PSMD1: variants seen among roughly 807,000 people sequenced by gnomAD.
The protein encoded by PSMD1 is proteasome 26S subunit, non-ATPase 1, also known as 26S proteasome non-ATPase regulatory subunit 1.
Under a neutral mutation model 119.0 loss-of-function variants are expected in PSMD1, and 18 were observed. That is an observed-to-expected ratio of 0.15 (90% CI 0.10 to 0.22). The LOEUF is 0.22. Among genes scored for constraint, PSMD1 ranks in the 10% least tolerant of loss-of-function variants. The probability of loss-of-function intolerance (pLI) is 1.00; values close to 1 mark genes in which losing one functional copy is unlikely to be tolerated. For missense variants in PSMD1, 702 were observed against 1,158.5 expected, an observed-to-expected ratio of 0.61 and a Z score of 5.72; for synonymous variants, 374 against 396.6, an observed-to-expected ratio of 0.94 and a Z score of 0.68.
chr2:231,118,589 G>C (rs986007039), intron 16 of PSMD1, among the ~76,000 whole-genome samples: 14 of 151,820 alleles, frequency 9.2e-5, no homozygotes, highest in Admixed American at 9.2e-4. Context: ...GTATTTTTTT[G>C]TTTGTTTTTG....
intron 18 of PSMD1, among the ~76,000 whole-genome samples, chr2:231,150,975 C>A (rs557715093): frequency 1.3e-5 from 2 of 152,208 alleles, no homozygotes; most frequent in African/African-American, 4.8e-5. Context: ...TTTTTTCCAG[C>A]AGTATAGGGT....
chr2:231,170,489 T>G lies in PSMD1; in HGVS notation c.2716-77T>G. The stretch of plus-strand genomic sequence containing the variant: ...CATTTAAGTAGTTTTAAAGTACCAT[T>G]TAACAAGTATTTACTCTAGATTGTG... On this transcript the variant is annotated intron_variant, in intron 23 of 24. Coordinates refer to ENST00000308696, the MANE Select transcript of PSMD1 (RefSeq NM_002807.4). This position sits in a 1 kb window ranked among gnomAD's most constrained non-coding sequence, Gnocchi z 4.1. The G allele has an allele frequency of 3.0e-5, 42 of 1,390,914 alleles. No individual in the cohort carries two copies. Among genetic ancestry groups the G allele is most frequent in the Non-Finnish European group, 3.9e-5 (41 of 1,040,076 alleles). 86.2% of individuals were successfully genotyped at this position (1,390,914 alleles called of 1,614,324 possible). A position where few individuals can be genotyped will look rare whatever the true frequency, so the allele number is the denominator to read the frequency against.
At chr2:231,099,131 G>A (rs191248083) in intron 16 of PSMD1, among the ~76,000 whole-genome samples, 2 of 152,284 alleles carry the variant, frequency 1.3e-5, no homozygotes, top group African/African-American at 4.8e-5. Flanking sequence ...TGTCTGAGCG[G>A]AAAGATTGGG....
chr2:231,172,688 T>C lies in PSMD1; in HGVS notation c.*163T>C, dbSNP rs926965064. On this transcript the variant is annotated 3_prime_UTR_variant, in exon 25 of 25. Transcript: ENST00000308696. ...TCCAAGTCTTTGGTTGAAGAGAAGA[T>C]ATATGACTGTTGAGTGTGCTCTTTC... The C allele has an allele frequency of 6.6e-6, 1 of 152,172 alleles. No homozygotes were observed. The highest frequency in any genetic ancestry group is 2.4e-5 in the African/African-American group (1 of 41,426). 9.4% of individuals were successfully genotyped at this position (152,172 alleles called of 1,614,324 possible).
chr2:231,077,975 AAAC>A (rs1300543143), intron 9 of PSMD1, among the ~76,000 whole-genome samples: 1 of 152,234 alleles, frequency 6.6e-6, no homozygotes, highest in Non-Finnish European at 1.5e-5. Context: ...CATTAAAAAT[AAAC>A]AAAATTTGAC....
chr2:231,062,104 G>C (rs540539605), intron 2 of PSMD1, 144 bp from the exon 3 acceptor site: 1 of 577,810 alleles, frequency 1.7e-6, no homozygotes, highest in African/African-American at 1.9e-5. Context: ...AAAAGTGTAA[G>C]TTGGTAAATT....
At chr2:231,133,949 T>C (rs973055277) in intron 16 of PSMD1, among the ~76,000 whole-genome samples, 1 of 152,186 alleles carries the variant, frequency 6.6e-6, no homozygotes, top group Non-Finnish European at 1.5e-5. Flanking sequence ...CTTGTACAAA[T>C]AGTAACATTG....
chr2:231,084,385 T>C lies in PSMD1; in HGVS notation c.1722+622T>C, dbSNP rs139332759. Among the ~76,000 whole-genome samples, 181 of 152,140 alleles carry C rather than the reference T, an allele frequency of 1.2e-3. 1 individual carries two copies. Among genetic ancestry groups the C allele is most frequent in the African/African-American group, 4.0e-3 (164 of 41,502 alleles). On this transcript the variant is annotated intron_variant, in intron 14 of 24. Coordinates refer to ENST00000308696, the MANE Select transcript of PSMD1 (RefSeq NM_002807.4). ...ATATATATATATTTTTGGAATGATT[T>C]GATAGTCATTTAATAAGATACAAAG...
chr2:231,056,904 A>C lies in PSMD1; in HGVS notation c.-122A>C. The C allele has an allele frequency of 7.3e-7, 1 of 1,362,430 alleles. No individual in the cohort carries two copies. The highest frequency in any genetic ancestry group is 1.0e-6 in the Non-Finnish European group (1 of 994,276). The allele number at this position is 1,362,430 out of a possible 1,614,324, so 84.4% of individuals were successfully genotyped here. A position where few individuals can be genotyped will look rare whatever the true frequency, so the allele number is the denominator to read the frequency against. On this transcript the variant is annotated 5_prime_UTR_variant, in exon 1 of 25. Coordinates refer to ENST00000308696, the MANE Select transcript of PSMD1 (RefSeq NM_002807.4). ...AGCGAGCCGGCGGCCTGAGGAGGCGACTGACTGAGCAGCGCACCCGGGGAG... is the reference window on the plus strand; with the variant it reads ...AGCGAGCCGGCGGCCTGAGGAGGCGCCTGACTGAGCAGCGCACCCGGGGAG...
chr2:231,059,944 A>C (rs1693714645), intron 1 of PSMD1, among the ~76,000 whole-genome samples: 1 of 152,252 alleles, frequency 6.6e-6, no homozygotes, highest in African/African-American at 2.4e-5. Flanking sequence ...ACAACCATGT[A>C]ACCAGTTAGT....
chr2:231,119,764 G>A (rs929495640), intron 16 of PSMD1, among the ~76,000 whole-genome samples: 3 of 150,296 alleles, frequency 2.0e-5, no homozygotes, highest in African/African-American at 2.5e-5. Flanking sequence ...CCAGCTACTC[G>A]GGAGGCTGAG....
chr2:231,099,085 G>A (rs1694802137), intron 16 of PSMD1, among the ~76,000 whole-genome samples: 1 of 152,160 alleles, frequency 6.6e-6, no homozygotes, highest in South Asian at 2.1e-4. Flanking sequence ...GTTGAGTAGA[G>A]AGGGAATTTG....
chr2:231,121,260 G>A (rs1361432908), intron 16 of PSMD1, among the ~76,000 whole-genome samples: 1 of 152,126 alleles, frequency 6.6e-6, no homozygotes, highest in Admixed American at 6.6e-5. Flanking sequence ...AGGCATGGTG[G>A]AATGTGCCTG....
Position 231,056,920 on chromosome 2 carries a change from A to T in PSMD1, c.-106A>T. The T allele has an allele frequency of 7.1e-7, 1 of 1,403,298 alleles. No individual in the cohort carries two copies. The highest frequency in any genetic ancestry group is 9.7e-7 in the Non-Finnish European group (1 of 1,028,426). 86.9% of individuals were successfully genotyped at this position (1,403,298 alleles called of 1,614,324 possible). A position where few individuals can be genotyped will look rare whatever the true frequency, so the allele number is the denominator to read the frequency against. ...GAGGAGGCGACTGACTGAGCAGCGC[A>T]CCCGGGGAGCAAGGAGGCGCGGTGA... On this transcript the variant is annotated 5_prime_UTR_variant, in exon 1 of 25. Coordinates refer to ENST00000308696, the MANE Select transcript of PSMD1 (RefSeq NM_002807.4).
intron 16 of PSMD1, among the ~76,000 whole-genome samples, chr2:231,091,140 G>A (rs983705896): frequency 5.3e-5 from 8 of 152,116 alleles, no homozygotes; most frequent in African/African-American, 9.7e-5. Context: ...AGAGATGCTC[G>A]TGTTTATTTA....
intron 16 of PSMD1, among the ~76,000 whole-genome samples, chr2:231,132,691 C>A (rs1022464007): frequency 2.0e-5 from 3 of 152,172 alleles, no homozygotes; most frequent in Non-Finnish European, 2.9e-5. Context: ...GTGATTGTCA[C>A]CCTGCTAATA....
chr2:231,075,024 G>T (rs1694128466), intron 7 of PSMD1, among the ~76,000 whole-genome samples: 1 of 152,116 alleles, frequency 6.6e-6, no homozygotes, highest in African/African-American at 2.4e-5. Context: ...GGAGACAAGG[G>T]TCTCATTTTG....
At chr2:231,089,236 C>A (rs1694527302) in intron 16 of PSMD1, among the ~76,000 whole-genome samples, 1 of 152,190 alleles carries the variant, frequency 6.6e-6, no homozygotes, top group Non-Finnish European at 1.5e-5. Flanking sequence ...GCAGAAGCTG[C>A]AGCAAGTTAC....
At chr2:231,109,464 G>A (rs1024019911) in intron 16 of PSMD1, 13 of 1,423,494 alleles carry the variant, frequency 9.1e-6, no homozygotes, top group Non-Finnish European at 1.3e-5. Context: ...GTAACTCTTC[G>A]ATTAGATCCT....
Sources: allele counts gnomAD v4.1 joint callset (sites outside exome capture counted in the v4.1 genomes callset), GRCh38; gene constraint gnomAD v4.1.1; non-coding constraint Gnocchi (gnomAD v3.1); transcripts MANE v1.5; gene names NCBI Gene and HGNC (gene_info 2026-07-23, HGNC 2026-07-21).